CCDC60: variants seen among roughly 807,000 people sequenced by gnomAD.
CCDC60 encodes coiled-coil domain containing 60.
CCDC60 carries 54 observed loss-of-function variants against 63.5 expected under a neutral mutation model. That is an observed-to-expected ratio of 0.85 (90% CI 0.68 to 1.07). The LOEUF is 1.07. Ranked by LOEUF, CCDC60 falls within the 50% of genes least tolerant of loss-of-function variation. CCDC60 has a pLI of 0.00. For synonymous variants in CCDC60, 206 were observed against 238.8 expected (o/e 0.86, Z 1.27); for missense variants, 651 against 684.3 (o/e 0.95, Z 0.54).
chr12:119,425,672 A>G (rs930359140), intron 1 of CCDC60, among the ~76,000 whole-genome samples: 2 of 152,124 alleles, frequency 1.3e-5, no homozygotes, highest in African/African-American at 4.8e-5. Flanking sequence ...GGCTACCCTC[A>G]TGGGCACGAA....
intron 1 of CCDC60, among the ~76,000 whole-genome samples, chr12:119,419,946 G>A (rs1466643306): frequency 7.1e-6 from 1 of 141,556 alleles, no homozygotes; most frequent in African/African-American, 2.7e-5. Context: ...GCACGATCTC[G>A]GCTCACTGCA....
At chr12:119,335,330 G>A (rs746779660) in intron 1 of CCDC60, 64 bp downstream of exon 1, 2 of 1,230,592 alleles carry the variant, frequency 1.6e-6, no homozygotes, top group African/African-American at 1.5e-5. Flanking sequence ...GAATTAGCTG[G>A]GTCAAATGGT....
At chr12:119,414,339 G>A (rs567809616) in intron 1 of CCDC60, among the ~76,000 whole-genome samples, 100 of 151,944 alleles carry the variant, frequency 6.6e-4, no homozygotes, top group African/African-American at 2.3e-3. Flanking sequence ...TTATTAGCTG[G>A]AGCCATCCTC....
chr12:119,346,774 CTCTT>C (rs61270891), intron 1 of CCDC60, among the ~76,000 whole-genome samples: 11,506 of 125,230 alleles, frequency 0.092, 616 homozygotes, highest in East Asian at 0.15. Flanking sequence ...ACTCATCTTT[CTCTT>C]TCTTTCTTTC....
chr12:119,424,062 A>G (rs948177280), intron 1 of CCDC60, among the ~76,000 whole-genome samples: 23 of 152,242 alleles, frequency 1.5e-4, no homozygotes, highest in African/African-American at 5.5e-4. Flanking sequence ...TTATCGTTTA[A>G]TTGCCTATAA....
At chr12:119,427,705 C>T (rs1369908618) in intron 1 of CCDC60, among the ~76,000 whole-genome samples, 1 of 151,988 alleles carries the variant, frequency 6.6e-6, no homozygotes, top group Non-Finnish European at 1.5e-5. Context: ...CCCATTTTCC[C>T]ATAATTTCTA....
intron 11 of CCDC60, among the ~76,000 whole-genome samples, chr12:119,524,171 G>C (rs1008004853): frequency 5.9e-5 from 9 of 152,160 alleles, no homozygotes; most frequent in Non-Finnish European, 1.3e-4. Context: ...TGATGAGAAG[G>C]TGGAATGACA....
intron 1 of CCDC60, among the ~76,000 whole-genome samples, chr12:119,357,406 C>T (rs565570699): frequency 6.6e-6 from 1 of 152,160 alleles, no homozygotes; most frequent in South Asian, 2.1e-4. Context: ...CACCCACACC[C>T]ATATCTTTCC....
chr12:119,541,001 T>C lies in CCDC60; in HGVS notation c.*286T>C, dbSNP rs1286836631. 6.3e-6 allele frequency: 2 copies of C among 317,902 alleles called. No homozygotes were observed. Among genetic ancestry groups the C allele is most frequent in the African/African-American group, 4.3e-5 (2 of 46,582 alleles). 19.7% of individuals were successfully genotyped at this position (317,902 alleles called of 1,614,324 possible). On this transcript the variant is annotated 3_prime_UTR_variant, in exon 14 of 14. Transcript: ENST00000327554. ...TTCCTCTTCAGATTCCTTCACCCTATTTACCTTCCTCAAGTACTGGAGAAT... is the reference window on the plus strand; with the variant it reads ...TTCCTCTTCAGATTCCTTCACCCTACTTACCTTCCTCAAGTACTGGAGAAT...
chr12:119,506,753 G>A (rs760677797), intron 7 of CCDC60, among the ~76,000 whole-genome samples: 2 of 152,112 alleles, frequency 1.3e-5, no homozygotes, highest in Non-Finnish European at 2.9e-5. Flanking sequence ...TATTTTGAGT[G>A]GGGTGCTGTG....
In CCDC60 at chr12:119,420,693, T is replaced by G. The variant is rs1956797143; in HGVS notation, c.91-7990T>G. Among the ~76,000 whole-genome samples the G allele has an allele frequency of 6.6e-6, 1 of 152,182 alleles. No homozygotes were observed. Among genetic ancestry groups the G allele is most frequent in the Admixed American group, 6.6e-5 (1 of 15,260 alleles). ...GACTATAGTCAATAATAACTCACTT[T>G]TTAAATGACTAAGAGTATAATTGGA... On this transcript the variant is annotated intron_variant, in intron 1 of 13. Coordinates refer to ENST00000327554, the MANE Select transcript of CCDC60 (RefSeq NM_178499.5). This position sits in a 1 kb window ranked among gnomAD's most constrained non-coding sequence, Gnocchi z 4.1.
chr12:119,412,770 C>T (rs1431191633), intron 1 of CCDC60, among the ~76,000 whole-genome samples: 1 of 128,178 alleles, frequency 7.8e-6, no homozygotes, highest in African/African-American at 2.9e-5. Context: ...CCCACCCCCC[C>T]CCACCCCCCC....
intron 1 of CCDC60, among the ~76,000 whole-genome samples, chr12:119,419,215 A>G (rs966942991): frequency 6.6e-6 from 1 of 152,156 alleles, no homozygotes; most frequent in Non-Finnish European, 1.5e-5. Flanking sequence ...CGCAATGAGC[A>G]TTTTGTAGTC....
At chr12:119,447,557 T>C (rs1469226347) in intron 2 of CCDC60, among the ~76,000 whole-genome samples, 1 of 152,212 alleles carries the variant, frequency 6.6e-6, no homozygotes, top group African/African-American at 2.4e-5. Context: ...TGCATTTTTC[T>C]ATATCCACAA....
At chr12:119,478,700 C>CG (rs1951233851) in intron 3 of CCDC60, among the ~76,000 whole-genome samples, 1 of 150,530 alleles carries the variant, frequency 6.6e-6, no homozygotes, top group Non-Finnish European at 1.5e-5. Context: ...CTCTGCCTCC[C>CG]GGGTTCAAGA....
intron 1 of CCDC60, among the ~76,000 whole-genome samples, chr12:119,382,552 G>A (rs1016646920): frequency 2.0e-5 from 3 of 152,242 alleles, no homozygotes; most frequent in African/African-American, 7.2e-5. Context: ...GGAGCTCAAG[G>A]AGGCCCAGTA....
chr12:119,479,001 GTCATATC>G, intron 3 of CCDC60, 86 bp from the exon 4 acceptor site: 4 of 849,570 alleles, frequency 4.7e-6, no homozygotes, highest in Non-Finnish European at 7.9e-6. Context: ...TAAGTGTCCA[GTCATATC>G]TGCCGAATAG....
chr12:119,523,130 G>T, intron 10 of CCDC60, 129 bp downstream of exon 10: 1 of 853,354 alleles, frequency 1.2e-6, no homozygotes, highest in Non-Finnish European at 2.0e-6. Context: ...GATGCTGAAG[G>T]ACAAGGGATC....
chr12:119,388,344 T>TGA (rs2136192517), intron 1 of CCDC60: 1 of 152,336 alleles, frequency 6.6e-6, no homozygotes, highest in East Asian at 1.9e-4. Flanking sequence ...AGGAAGAAAG[T>TGA]GAGAGGAAAC....
Sources: allele counts gnomAD v4.1 joint callset (sites outside exome capture counted in the v4.1 genomes callset), GRCh38; gene constraint gnomAD v4.1.1; non-coding constraint Gnocchi (gnomAD v3.1); transcripts MANE v1.5; gene names NCBI Gene and HGNC (gene_info 2026-07-23, HGNC 2026-07-21).